Variants in CD44 observed in about 807,000 individuals in gnomAD.
CD44 encodes the protein CD44 antigen.
In CD44, 49 loss-of-function variants were observed where a neutral mutation model predicts 88.8. The observed-to-expected ratio is 0.55, with a 90% CI of 0.44 to 0.70. CD44 has a LOEUF of 0.70. Ranked by LOEUF, CD44 falls within the 30% of genes least tolerant of loss-of-function variation. The pLI is 0.00. For synonymous variants in CD44, 325 were observed against 312.3 expected, an observed-to-expected ratio of 1.04 and a Z score of -0.43; for missense variants, 883 against 913.8, an observed-to-expected ratio of 0.97 and a Z score of 0.43.
chr11:35,142,427 G>T (rs12272373), intron 1 of CD44, among the ~76,000 whole-genome samples: 1 of 152,162 alleles, frequency 6.6e-6, no homozygotes, highest in Non-Finnish European at 1.5e-5. Context: ...GATAGACTGG[G>T]TGAGGGGATC....
chr11:35,172,426 T>C (rs141075933), intron 1 of CD44, among the ~76,000 whole-genome samples: 5 of 152,328 alleles, frequency 3.3e-5, no homozygotes, highest in African/African-American at 9.6e-5. Flanking sequence ...TTCAGTCAGA[T>C]TTGTGTAAGC....
chr11:35,151,128 A>G (rs956760700), intron 1 of CD44, among the ~76,000 whole-genome samples: 1 of 152,160 alleles, frequency 6.6e-6, no homozygotes, highest in African/African-American at 2.4e-5. Flanking sequence ...GAGAGGGGAG[A>G]GGAGAGAAAC....
At position 35,231,226 on chromosome 11, in the gene CD44, T is replaced by C. The variant is rs1269472974; in HGVS notation, c.*1893T>C. On this transcript the variant is annotated 3_prime_UTR_variant, in exon 18 of 18. Coordinates refer to ENST00000428726, the MANE Select transcript of CD44 (RefSeq NM_000610.4). ...CTGGACATTAGGCCACTATGTGTTG[T>C]TACTGCCACTAGTGTTCAAGTGCCT... 6.6e-6 allele frequency: 1 copy of C among 152,594 alleles called. No individual in the cohort carries two copies. The highest frequency in any genetic ancestry group is 1.5e-5 in the Non-Finnish European group (1 of 68,056). 9.5% of individuals were successfully genotyped at this position (152,594 alleles called of 1,614,324 possible).
Position 35,187,371 on chromosome 11 carries a change from T to C in CD44, c.436+471T>C, listed in dbSNP as rs149675294. Among the ~76,000 whole-genome samples, 13 of 152,340 alleles carry C rather than the reference T, an allele frequency of 8.5e-5. No individual in the cohort carries two copies. In the East Asian group the frequency reaches 2.3e-3, roughly 27 times the overall value. On this transcript the variant is annotated intron_variant, in intron 4 of 17. Coordinates refer to ENST00000428726, the MANE Select transcript of CD44 (RefSeq NM_000610.4). ...CCCTTCCTTTTTTTCTGCAATGACT[T>C]GAAACTGCTCTCTGGTTTACACTCA...
intron 1 of CD44, 159 bp downstream of exon 1, chr11:35,139,529 T>C (rs3751031): frequency 0.095 from 73,886 of 779,404 alleles, 4,647 homozygotes; most frequent in South Asian, 0.21. Context: ...GGATTTGCGC[T>C]AAACCGTTGG....
At position 35,214,842 on chromosome 11, in the gene CD44, C is replaced by G. The variant is rs1272860361; in HGVS notation, c.1811-10C>G. 1 of 1,510,616 alleles carries G rather than the reference C, an allele frequency of 6.6e-7. No homozygotes were observed. The highest frequency in any genetic ancestry group is 2.5e-5 in the East Asian group (1 of 40,124). The allele number at this position is 1,510,616 out of a possible 1,614,324, so 93.6% of individuals were successfully genotyped here. ...CATGCAGTACTGACCTTCCTGATTG[C>G]TCATTACAGGAGACCAAGACACATT... is the stretch of plus-strand genomic sequence containing the variant. On this transcript the variant is annotated splice_polypyrimidine_tract_variant and intron_variant, in intron 14 of 17. Transcript: ENST00000428726.
At chr11:35,146,269 T>C (rs1457667246) in intron 1 of CD44, among the ~76,000 whole-genome samples, 3 of 152,174 alleles carry the variant, frequency 2.0e-5, no homozygotes, top group Admixed American at 1.3e-4. Context: ...TCTTCAGCTT[T>C]TAAAAGTAAA....
At chr11:35,155,868 G>A (rs2133241276) in intron 1 of CD44, among the ~76,000 whole-genome samples, 1 of 152,284 alleles carries the variant, frequency 6.6e-6, no homozygotes, top group Middle Eastern at 3.4e-3. Flanking sequence ...GCATTAATGT[G>A]TGTGAAGTGT....
intron 1 of CD44, among the ~76,000 whole-genome samples, chr11:35,149,085 T>C (rs1434277883): frequency 6.6e-6 from 1 of 152,200 alleles, no homozygotes; most frequent in Admixed American, 6.5e-5. Flanking sequence ...CTGGATTTCC[T>C]ATAGGTCTGG....
chr11:35,152,987 A>G (rs1045886064), intron 1 of CD44, among the ~76,000 whole-genome samples: 5 of 152,188 alleles, frequency 3.3e-5, no homozygotes, highest in African/African-American at 1.2e-4. Flanking sequence ...GAGGGAGAAG[A>G]GGAGAAAAAG....
Position 35,219,316 on chromosome 11 carries a change from GAC to G in CD44, c.1877_1878del (p.His626LeufsTer102). On this transcript the variant is annotated frameshift_variant and splice_region_variant, in exon 16 of 18. Transcript: ENST00000428726. LOFTEE classifies it high-confidence loss of function. ...TGAGAGATGTTGTTTTTCCCCTTAG[GAC>G]ACTCACATGGGAGTCAAGAAGGTGG... The G allele has an allele frequency of 6.2e-7, 1 of 1,612,876 alleles. No homozygotes were observed. The highest frequency in any genetic ancestry group is 8.5e-7 in the Non-Finnish European group (1 of 1,178,966).
intron 1 of CD44, 33 bp from the exon 2 acceptor site, chr11:35,176,542 A>G: frequency 6.3e-7 from 1 of 1,587,314 alleles, no homozygotes; most frequent in Middle Eastern, 1.7e-4. Flanking sequence ...TTATTTATGC[A>G]AAAGAATCTA....
intron 1 of CD44, among the ~76,000 whole-genome samples, chr11:35,151,228 A>G (rs1208839402): frequency 6.6e-6 from 1 of 152,086 alleles, no homozygotes; most frequent in Non-Finnish European, 1.5e-5. Flanking sequence ...GTCTGCTTGG[A>G]TAAGAGAATT....
intron 15 of CD44, among the ~76,000 whole-genome samples, chr11:35,215,955 C>T (rs898877513): frequency 1.3e-5 from 2 of 149,904 alleles, no homozygotes; most frequent in Non-Finnish European, 3.0e-5. Context: ...CTCATTCAGT[C>T]ATCCTATAAA....
rs528620781 is a variant in CD44 at position 35,147,870 on chromosome 11, C to G, written c.67+8500C>G. 7.8e-4 allele frequency among the ~76,000 whole-genome samples: 118 copies of G among 152,216 alleles called. 2 individuals are homozygous for G. The highest frequency in any genetic ancestry group is 7.5e-3 in the South Asian group (36 of 4,810). On this transcript the variant is annotated intron_variant, in intron 1 of 17. Coordinates refer to ENST00000428726, the MANE Select transcript of CD44 (RefSeq NM_000610.4). ...TTGGGAGGCCGAGGCAGGCGGATGA[C>G]CTGAGGTCGGGAGTTCGAGACCAGC...
At chr11:35,183,814 A>G (rs1296439014) in intron 3 of CD44, among the ~76,000 whole-genome samples, 2 of 151,990 alleles carry the variant, frequency 1.3e-5, no homozygotes, top group Non-Finnish European at 2.9e-5. Flanking sequence ...CAAGTGCCTC[A>G]TTTTCTTTTG....
intron 1 of CD44, among the ~76,000 whole-genome samples, chr11:35,149,420 TAAC>T (rs1859870015): frequency 6.6e-6 from 1 of 152,360 alleles, no homozygotes; most frequent in Admixed American, 6.5e-5. Flanking sequence ...TCTTGCCACT[TAAC>T]AGCAGCGTGA....
intron 1 of CD44, among the ~76,000 whole-genome samples, chr11:35,167,713 T>A (rs1565048470): frequency 6.6e-6 from 1 of 152,236 alleles, no homozygotes; most frequent in Non-Finnish European, 1.5e-5. Context: ...TCCAGCTACA[T>A]CAACCTGGAG....
chr11:35,209,534 G>C (rs933183990), intron 12 of CD44, among the ~76,000 whole-genome samples: 4 of 152,058 alleles, frequency 2.6e-5, no homozygotes, highest in Non-Finnish European at 5.9e-5. Context: ...GGCTATCATA[G>C]TGTTCATTTT....
Sources: allele counts gnomAD v4.1 joint callset (sites outside exome capture counted in the v4.1 genomes callset), GRCh38; gene constraint gnomAD v4.1.1; transcripts MANE v1.5; gene names NCBI Gene and HGNC (gene_info 2026-07-23, HGNC 2026-07-21).